NRXN3: variants seen among roughly 807,000 people sequenced by gnomAD.
The protein encoded by NRXN3 is neurexin 3, also known as neurexin III.
In NRXN3, 32 loss-of-function variants were observed where a neutral mutation model predicts 137.6. The observed-to-expected ratio is 0.23, with a 90% CI of 0.18 to 0.31. The LOEUF is 0.31. Ranked by LOEUF, NRXN3 falls within the 10% of genes least tolerant of loss-of-function variation. The probability of loss-of-function intolerance (pLI) is 1.00; values close to 1 mark genes in which losing one functional copy is unlikely to be tolerated. For missense variants in NRXN3, 1,574 were observed against 2,062.5 expected (o/e 0.76, Z 4.59); for synonymous variants, 798 against 784.5 (o/e 1.02, Z -0.29).
At chr14:79,484,846 T>C (rs1174906327) in intron 16 of NRXN3, among the ~76,000 whole-genome samples, 2 of 152,196 alleles carry the variant, frequency 1.3e-5, no homozygotes, top group Non-Finnish European at 2.9e-5. Flanking sequence ...GGGGCCCACA[T>C]ATTCAGATCT....
chr14:79,529,017 C>A (rs150620706), intron 16 of NRXN3, among the ~76,000 whole-genome samples: 58 of 152,266 alleles, frequency 3.8e-4, no homozygotes, highest in Middle Eastern at 3.4e-3. Flanking sequence ...CAGCGCTTAC[C>A]AGAGGACCAT....
At chr14:79,106,021 A>C (rs544532271) in intron 15 of NRXN3, among the ~76,000 whole-genome samples, 242 of 152,148 alleles carry the variant, frequency 1.6e-3, no homozygotes, top group African/African-American at 5.5e-3. Flanking sequence ...CTATATACTC[A>C]ACAATTAACA....
chr14:78,854,514 T>C (rs1349915924), intron 10 of NRXN3, among the ~76,000 whole-genome samples: 1 of 152,160 alleles, frequency 6.6e-6, no homozygotes, highest in Non-Finnish European at 1.5e-5. Flanking sequence ...ATGTTTGAAA[T>C]GCCAACAATG....
intron 4 of NRXN3, among the ~76,000 whole-genome samples, chr14:78,640,338 C>G (rs1237982982): frequency 6.6e-6 from 1 of 152,176 alleles, no homozygotes; most frequent in East Asian, 1.9e-4. Context: ...TTCTATCCTT[C>G]TCAGTAAAAT....
intron 10 of NRXN3, among the ~76,000 whole-genome samples, chr14:78,951,481 G>A (rs562001006): frequency 1.3e-5 from 2 of 152,184 alleles, no homozygotes; most frequent in East Asian, 3.9e-4. Context: ...CCTCAAAGAG[G>A]CCTTCCTGGA....
At chr14:78,315,719 A>G (rs1395701033) in intron 4 of NRXN3, among the ~76,000 whole-genome samples, 1 of 152,040 alleles carries the variant, frequency 6.6e-6, no homozygotes, top group African/African-American at 2.4e-5. Context: ...ATTCAATAGG[A>G]TTTTGTTTTA....
rs139598503 is a variant in NRXN3 at position 78,662,538 on chromosome 14, C to T, written c.1221+11212C>T. Among the ~76,000 whole-genome samples the T allele has an allele frequency of 3.0e-4, 45 of 152,134 alleles. No individual in the cohort carries two copies. In the East Asian group the frequency reaches 8.0e-3, roughly 27 times the overall value. On this transcript the variant is annotated intron_variant, in intron 6 of 20. Coordinates refer to ENST00000335750, the MANE Select transcript of NRXN3 (RefSeq NM_001330195.2). ...TGAGTTCTCCAACACTCAAGGCATC[C>T]AAGTAGAGACTGGGCAACCATTTTG...
intron 4 of NRXN3, among the ~76,000 whole-genome samples, chr14:78,452,453 C>T (rs2094573479): frequency 2.0e-5 from 3 of 152,180 alleles, no homozygotes; most frequent in Non-Finnish European, 2.9e-5. Context: ...TTCCCAGTGA[C>T]ACCCAGATGG....
At chr14:78,822,812 C>T (rs1281837996) in intron 10 of NRXN3, among the ~76,000 whole-genome samples, 1 of 152,100 alleles carries the variant, frequency 6.6e-6, no homozygotes, top group Non-Finnish European at 1.5e-5. Flanking sequence ...CTGCTCCTCA[C>T]CATTGTACAT....
chr14:78,509,955 G>A (rs997513907), intron 4 of NRXN3, among the ~76,000 whole-genome samples: 4 of 151,702 alleles, frequency 2.6e-5, no homozygotes, highest in Non-Finnish European at 5.9e-5. Context: ...AGAACAGGAT[G>A]GCCTAAGATC....
chr14:79,824,941 A>G (rs1159038), intron 20 of NRXN3, among the ~76,000 whole-genome samples: 138,544 of 152,176 alleles, frequency 0.91, 63,109 homozygotes, highest in East Asian at 1. Context: ...GATTGACATG[A>G]AAAACTGATA....
intron 10 of NRXN3, among the ~76,000 whole-genome samples, chr14:78,899,712 A>G (rs1475462186): frequency 1.3e-5 from 2 of 152,038 alleles, no homozygotes; most frequent in African/African-American, 4.8e-5. Flanking sequence ...TGTTATATAA[A>G]TGTATTCTGC....
At chr14:78,865,452 T>C (rs2099084384) in intron 10 of NRXN3, among the ~76,000 whole-genome samples, 1 of 152,142 alleles carries the variant, frequency 6.6e-6, no homozygotes, top group East Asian at 1.9e-4. Flanking sequence ...ATGAACAAAA[T>C]GTGACAACTT....
chr14:79,079,290 G>A (rs2046490112), intron 15 of NRXN3, among the ~76,000 whole-genome samples: 1 of 151,892 alleles, frequency 6.6e-6, no homozygotes, highest in African/African-American at 2.4e-5. Context: ...TGAAACTGCA[G>A]ACTGATTAGA....
intron 4 of NRXN3, among the ~76,000 whole-genome samples, chr14:78,545,000 C>T (rs940480204): frequency 4.6e-5 from 7 of 152,204 alleles, no homozygotes; most frequent in East Asian, 1.9e-4. Flanking sequence ...CAGGCTGCAG[C>T]AGAGCCTGAT....
intron 3 of NRXN3, among the ~76,000 whole-genome samples, chr14:78,287,199 A>G (rs938826263): frequency 1.3e-5 from 2 of 152,230 alleles, no homozygotes; most frequent in African/African-American, 4.8e-5. Flanking sequence ...ATACTCCCAC[A>G]TATATCATGA....
chr14:79,175,947 T>C (rs1396394211), intron 15 of NRXN3, among the ~76,000 whole-genome samples: 1 of 152,230 alleles, frequency 6.6e-6, no homozygotes, highest in Non-Finnish European at 1.5e-5. Context: ...GTAGTAGCGC[T>C]CTAGGCAAGC....
chr14:79,799,482 A>T (rs190546769), intron 19 of NRXN3, among the ~76,000 whole-genome samples: 18 of 152,326 alleles, frequency 1.2e-4, no homozygotes, highest in African/African-American at 4.3e-4. Flanking sequence ...GAGAAGTCTG[A>T]TAGGGCAGGA....
chr14:78,709,159 T>C (rs926973950), intron 6 of NRXN3, 58 bp from the exon 7 acceptor site: 100 of 1,511,288 alleles, frequency 6.6e-5, no homozygotes, highest in Non-Finnish European at 8.7e-5. Context: ...CAGTGAGTGA[T>C]GGATGGATAC....
Sources: allele counts gnomAD v4.1 joint callset (sites outside exome capture counted in the v4.1 genomes callset), GRCh38; gene constraint gnomAD v4.1.1; transcripts MANE v1.5; gene names NCBI Gene and HGNC (gene_info 2026-07-23, HGNC 2026-07-21).